TASP1: variants seen among roughly 807,000 people sequenced by gnomAD.
The protein encoded by TASP1 is threonine aspartase 1.
In TASP1, 16 loss-of-function variants were observed where a neutral mutation model predicts 56.6. That is an observed-to-expected ratio of 0.28 (90% CI 0.19 to 0.43). The LOEUF (loss-of-function observed/expected upper bound fraction) is 0.43. TASP1 is among the 20% of genes least tolerant of loss of function. TASP1 has a pLI of 1.00. For missense variants in TASP1, 393 were observed against 511.6 expected (o/e 0.77, Z 2.24); for synonymous variants, 179 against 184.2 (o/e 0.97, Z 0.23).
chr20:13,186,660 T>C, the TASP1 span, among the ~76,000 whole-genome samples: 1 of 152,194 alleles, frequency 6.6e-6, no homozygotes, highest in African/African-American at 2.4e-5. Flanking sequence ...AGAGTCTTTC[T>C]AAAGAGGAAT....
chr20:13,386,693 C>G (rs1459790162), downstream of TASP1, among the ~76,000 whole-genome samples: 1 of 151,988 alleles, frequency 6.6e-6, no homozygotes, highest in African/African-American at 2.4e-5. Flanking sequence ...GGAAATTATG[C>G]AAAAAAGGCT....
chr20:13,156,973 T>A, the TASP1 span, among the ~76,000 whole-genome samples: 1 of 152,210 alleles, frequency 6.6e-6, no homozygotes, highest in African/African-American at 2.4e-5. Context: ...CTGGATAATA[T>A]GTCAAACAAT....
rs1256424710 is a variant in TASP1, at chr20:13,390,295, T to C, written c.*65A>G. 1 of 1,464,438 alleles carries C rather than the reference T, an allele frequency of 6.8e-7. No homozygotes were observed. The allele number at this position is 1,464,438 out of a possible 1,614,324, so 90.7% of individuals were successfully genotyped here. ...AGAAAGATAAAACAACCAACTTCAG[T>C]TAAAAACCCCCAAAAGCTCAGGTTC... is the stretch of plus-strand genomic sequence containing the variant. On this transcript the variant is annotated 3_prime_UTR_variant, in exon 14 of 14. Transcript: ENST00000337743.
chr20:13,571,836 T>G (rs559922811), intron 6 of TASP1, among the ~76,000 whole-genome samples: 1 of 152,298 alleles, frequency 6.6e-6, no homozygotes, highest in African/African-American at 2.4e-5. Flanking sequence ...CTCTACTCAT[T>G]GTCGTGTAAA....
At chr20:13,528,877 G>T (rs2045099273) in intron 9 of TASP1, among the ~76,000 whole-genome samples, 1 of 151,878 alleles carries the variant, frequency 6.6e-6, no homozygotes. Context: ...CAAACTAGGT[G>T]TGTGTCAGAT....
At chr20:13,159,922 C>A in the TASP1 span, 3 of 1,435,790 alleles carry the variant, frequency 2.1e-6, no homozygotes, top group South Asian at 3.2e-5. Context: ...AATCAATTAG[C>A]CATATTCCTT....
At chr20:13,121,226 C>T in the TASP1 span, among the ~76,000 whole-genome samples, 1 of 152,118 alleles carries the variant, frequency 6.6e-6, no homozygotes, top group Non-Finnish European at 1.5e-5. Flanking sequence ...ATGAATGAAG[C>T]GATGGTAGCC....
chr20:13,173,102 G>A, the TASP1 span, among the ~76,000 whole-genome samples: 1 of 152,086 alleles, frequency 6.6e-6, no homozygotes. Context: ...CATGGAAGAG[G>A]GCTCCCTTTA....
intron 13 of TASP1, among the ~76,000 whole-genome samples, chr20:13,401,639 G>A (rs2041740843): frequency 6.6e-6 from 1 of 152,138 alleles, no homozygotes; most frequent in Non-Finnish European, 1.5e-5. Flanking sequence ...ACAATGACAT[G>A]ACCAAGATTA....
intron 4 of TASP1, among the ~76,000 whole-genome samples, chr20:13,618,339 G>A (rs1055445458): frequency 6.6e-5 from 10 of 152,078 alleles, no homozygotes; most frequent in Non-Finnish European, 1.3e-4. Flanking sequence ...TTTGAACCCG[G>A]GAGGTGGAGA....
intron 11 of TASP1, among the ~76,000 whole-genome samples, chr20:13,456,836 C>T (rs1331656564): frequency 1.3e-5 from 2 of 151,886 alleles, no homozygotes; most frequent in Non-Finnish European, 2.9e-5. Context: ...GAGAAAAGAA[C>T]TAAATACAAA....
chr20:13,140,789 A>G, the TASP1 span, among the ~76,000 whole-genome samples: 1 of 152,214 alleles, frequency 6.6e-6, no homozygotes, highest in Admixed American at 6.5e-5. Context: ...AGAAAAGATA[A>G]AGGAAAAAAG....
intron 11 of TASP1, among the ~76,000 whole-genome samples, chr20:13,472,298 T>C (rs1331454036): frequency 6.6e-6 from 1 of 150,990 alleles, no homozygotes; most frequent in East Asian, 1.9e-4. Flanking sequence ...AAGCTGAAAC[T>C]GGATCCCCTC....
chr20:13,540,051 T>C (rs193021664), intron 8 of TASP1, among the ~76,000 whole-genome samples: 4 of 152,294 alleles, frequency 2.6e-5, no homozygotes, highest in African/African-American at 7.2e-5. Context: ...ATCATTTCTA[T>C]TCTCACTCAT....
the TASP1 span, among the ~76,000 whole-genome samples, chr20:13,273,075 G>A: frequency 6.6e-6 from 1 of 152,148 alleles, no homozygotes; most frequent in African/African-American, 2.4e-5. Flanking sequence ...GCCGGGGACT[G>A]TTCCTTCATT....
the TASP1 span, among the ~76,000 whole-genome samples, chr20:13,290,636 C>T: frequency 1.1e-4 from 17 of 151,384 alleles, no homozygotes; most frequent in South Asian, 2.5e-3. Context: ...CCAGCCCGGG[C>T]GACAGAGCAA....
chr20:13,191,298 A>T, the TASP1 span, among the ~76,000 whole-genome samples: 3 of 152,218 alleles, frequency 2.0e-5, no homozygotes, highest in African/African-American at 7.2e-5. Context: ...TCCCATGTTT[A>T]TTGCAGCACT....
At chr20:13,375,290 A>G in the TASP1 span, among the ~76,000 whole-genome samples, 4 of 136,848 alleles carry the variant, frequency 2.9e-5, no homozygotes, top group African/African-American at 1.1e-4. Context: ...GTGTTCATGC[A>G]TTCTCATTGT....
At chr20:13,116,194 G>C in the TASP1 span, among the ~76,000 whole-genome samples, 7 of 152,262 alleles carry the variant, frequency 4.6e-5, no homozygotes, top group African/African-American at 1.7e-4. Flanking sequence ...TGTTTTGACT[G>C]AATCGACCTA....
Sources: gnomAD v4.1 joint callset for allele counts (sites outside exome capture counted in the v4.1 genomes callset) on GRCh38, gnomAD v4.1.1 for gene constraint, MANE v1.5 for transcripts, NCBI Gene and HGNC (gene_info 2026-07-23, HGNC 2026-07-21) for gene names.